The following RFX7 variants were observed in gnomAD, a reference collection of about 807,000 sequenced individuals.
RFX7 encodes the protein DNA-binding protein RFX7.
RFX7 carries 26 observed loss-of-function variants against 111.8 expected under a neutral mutation model. That is an observed-to-expected ratio of 0.23 (90% CI 0.17 to 0.32). RFX7 has a LOEUF of 0.32. Among genes scored for constraint, RFX7 ranks in the 10% least tolerant of loss-of-function variants. RFX7 has a pLI of 1.00. For missense variants in RFX7, 1,573 were observed against 1,772.9 expected (o/e 0.89, Z 2.02); for synonymous variants, 624 against 624.4 (o/e 1.00, Z 0.01).
chr15:56,190,812 A>G (rs2043092716), intron 2 of RFX7, among the ~76,000 whole-genome samples: 1 of 152,236 alleles, frequency 6.6e-6, no homozygotes, highest in Non-Finnish European at 1.5e-5. Context: ...TATGAAAGAC[A>G]GGAAAAAAGG....
At chr15:56,122,327 G>T (rs184463774) in intron 5 of RFX7, among the ~76,000 whole-genome samples, 28 of 152,252 alleles carry the variant, frequency 1.8e-4, no homozygotes, top group Non-Finnish European at 3.1e-4. Flanking sequence ...AGAATTCTGT[G>T]CATTACCATG....
chr15:56,168,469 G>A (rs1355554487), intron 3 of RFX7, among the ~76,000 whole-genome samples: 1 of 152,090 alleles, frequency 6.6e-6, no homozygotes, highest in Non-Finnish European at 1.5e-5. Flanking sequence ...CTTATTTCTG[G>A]AGAAGAAAAC....
chr15:56,203,913 A>C (rs1157807942), intron 2 of RFX7, among the ~76,000 whole-genome samples: 1 of 152,074 alleles, frequency 6.6e-6, no homozygotes, highest in Non-Finnish European at 1.5e-5. Flanking sequence ...TTTCTTAATA[A>C]ACTTGCTTTC....
rs1384562455 is a variant in RFX7 at position 56,179,167 on chromosome 15, GTTAGA to G, written c.195+98_195+102del. On this transcript the variant is annotated intron_variant, in intron 3 of 9. Transcript: ENST00000559447. ...AAAATATCAAATTTTATTCACTGGA[GTTAGA>G]TTATATTTAAAATCAATATTTACTT... 5.7e-6 allele frequency: 3 copies of G among 523,502 alleles called. No homozygotes were observed. The Admixed American group carries it at 1.4e-4, about 24-fold the overall frequency. The allele number at this position is 523,502 out of a possible 1,614,324, so 32.4% of individuals were successfully genotyped here.
At chr15:56,224,672 T>A (rs1450816729) in intron 2 of RFX7, among the ~76,000 whole-genome samples, 1 of 147,874 alleles carries the variant, frequency 6.8e-6, no homozygotes, top group Non-Finnish European at 1.5e-5. Context: ...TCAGTATAAG[T>A]GAAAAAAACA....
At chr15:56,153,267 T>C (rs768267008) in intron 3 of RFX7, among the ~76,000 whole-genome samples, 1 of 152,062 alleles carries the variant, frequency 6.6e-6, no homozygotes, top group Non-Finnish European at 1.5e-5. Context: ...AAAAAGAAAA[T>C]TTCAGGCCAA....
intron 7 of RFX7, among the ~76,000 whole-genome samples, chr15:56,101,950 T>C (rs1208986791): frequency 6.6e-6 from 1 of 152,194 alleles, no homozygotes; most frequent in Non-Finnish European, 1.5e-5. Context: ...ATTTTGGAAA[T>C]ATCGAGAAAT....
intron 3 of RFX7, among the ~76,000 whole-genome samples, chr15:56,156,020 T>C (rs1276422375): frequency 2.0e-5 from 3 of 152,130 alleles, no homozygotes; most frequent in African/African-American, 7.3e-5. Context: ...AAGTCAGCTC[T>C]AATAAGTTTA....
intron 5 of RFX7, among the ~76,000 whole-genome samples, chr15:56,140,337 C>G (rs868637727): frequency 5.3e-5 from 8 of 151,574 alleles, no homozygotes; most frequent in African/African-American, 9.7e-5. Context: ...TTTTTAAGCC[C>G]GTCGGAAAAG....
At chr15:56,144,887 C>T (rs2042447953) in intron 3 of RFX7, among the ~76,000 whole-genome samples, 1 of 152,140 alleles carries the variant, frequency 6.6e-6, no homozygotes, top group African/African-American at 2.4e-5. Flanking sequence ...ACTTTTACAG[C>T]AAATTTTCTG....
At chr15:56,223,638 C>G (rs1442290204) in intron 2 of RFX7, among the ~76,000 whole-genome samples, 2 of 152,024 alleles carry the variant, frequency 1.3e-5, no homozygotes, top group African/African-American at 4.8e-5. Context: ...ACATACTCAT[C>G]AAGAAAACTG....
intron 3 of RFX7, among the ~76,000 whole-genome samples, chr15:56,151,372 C>G (rs1214041346): frequency 1.3e-5 from 2 of 152,174 alleles, no homozygotes; most frequent in African/African-American, 4.8e-5. Flanking sequence ...CGGCAGAAAC[C>G]CTACAAGCCA....
At position 56,144,412 on chromosome 15, in the gene RFX7, A is replaced by G. The variant is rs1470446264; in HGVS notation, c.267T>C (p.Asn89=). ...AAGAATAGATATACCTTTTCTCTCC[A>G]TTGCTGAGACCAGAAGGCAGCTGAA... ...LYLQLPSGLS[N]GEKSDQNAMS... Residue 89 remains asparagine (N), a synonymous_variant, in exon 4 of 10, where the codon AAT becomes AAC. Transcript: ENST00000559447. 7.3e-7 allele frequency: 1 copy of G among 1,361,688 alleles called. No homozygotes were observed. Among genetic ancestry groups the G allele is most frequent in the African/African-American group, 1.5e-5 (1 of 67,726 alleles). 84.4% of individuals were successfully genotyped at this position (1,361,688 alleles called of 1,614,324 possible). A position where few individuals can be genotyped will look rare whatever the true frequency, so the allele number is the denominator to read the frequency against.
intron 5 of RFX7, among the ~76,000 whole-genome samples, chr15:56,139,884 G>A (rs1171848056): frequency 6.6e-6 from 1 of 152,228 alleles, no homozygotes; most frequent in African/African-American, 2.4e-5. Flanking sequence ...AGTGTGAGGT[G>A]TCAGTGTGCC....
chr15:56,225,946 A>C (rs530384067), intron 2 of RFX7, among the ~76,000 whole-genome samples: 2 of 152,170 alleles, frequency 1.3e-5, no homozygotes, highest in African/African-American at 2.4e-5. Flanking sequence ...AAATTATATG[A>C]ATAACTATTT....
intron 2 of RFX7, among the ~76,000 whole-genome samples, chr15:56,205,512 C>T (rs2043240974): frequency 6.6e-6 from 1 of 152,190 alleles, no homozygotes; most frequent in Admixed American, 6.5e-5. Context: ...CTTTCACTCT[C>T]ATTATGTTGA....
intron 3 of RFX7, among the ~76,000 whole-genome samples, chr15:56,172,452 G>A (rs145010159): frequency 9.7e-4 from 147 of 152,240 alleles, no homozygotes; most frequent in Non-Finnish European, 1.6e-3. Flanking sequence ...AAATAAAGAA[G>A]TAGGAGAAAG....
intron 3 of RFX7, 134 bp downstream of exon 3, chr15:56,179,136 G>A: frequency 5.4e-6 from 2 of 370,918 alleles, no homozygotes; most frequent in Non-Finnish European, 1.0e-5. Context: ...CGAGGGGGCT[G>A]TAATTAAAAT....
At chr15:56,134,891 T>C (rs1171105098) in intron 5 of RFX7, among the ~76,000 whole-genome samples, 3 of 152,114 alleles carry the variant, frequency 2.0e-5, no homozygotes, top group African/African-American at 7.2e-5. Flanking sequence ...TGCGATAGTT[T>C]ACTGAGAATG....
Sources: gnomAD v4.1 joint callset for allele counts (sites outside exome capture counted in the v4.1 genomes callset) on GRCh38, gnomAD v4.1.1 for gene constraint, MANE v1.5 for transcripts, NCBI Gene and HGNC (gene_info 2026-07-23, HGNC 2026-07-21) for gene names.